The following CACNG5 variants were observed in gnomAD, a reference collection of about 807,000 sequenced individuals.
CACNG5 encodes voltage-dependent calcium channel gamma-5 subunit.
In CACNG5, 18 loss-of-function variants were observed where a neutral mutation model predicts 24.8. The observed-to-expected ratio is 0.73, with a 90% confidence interval of 0.50 to 1.08. CACNG5 has a LOEUF of 1.08. CACNG5 is among the 50% of genes least tolerant of loss of function. The pLI is 0.00. For synonymous variants in CACNG5, 157 were observed against 149.1 expected (o/e 1.05, Z -0.39); for missense variants, 349 against 367.9 (o/e 0.95, Z 0.42).
chr17:66,874,229 C>T (rs765488917), intron 1 of CACNG5, among the ~76,000 whole-genome samples: 5 of 152,126 alleles, frequency 3.3e-5, no homozygotes, highest in Non-Finnish European at 7.3e-5. Context: ...AGGTGCTTAA[C>T]AGGATGCCTA....
At chr17:66,883,278 G>A (rs1333173771) in intron 4 of CACNG5, among the ~76,000 whole-genome samples, 1 of 152,172 alleles carries the variant, frequency 6.6e-6, no homozygotes, top group Non-Finnish European at 1.5e-5. Flanking sequence ...CATACGTGAG[G>A]TTTTTCAGCA....
At chr17:66,866,928 A>G (rs534311797) in intron 1 of CACNG5, among the ~76,000 whole-genome samples, 2 of 152,364 alleles carry the variant, frequency 1.3e-5, no homozygotes, top group East Asian at 3.9e-4. Context: ...TGCAATAAAC[A>G]TATGTGTGCA....
intron 3 of CACNG5, among the ~76,000 whole-genome samples, chr17:66,879,383 G>A (rs2097330633): frequency 6.6e-6 from 1 of 152,108 alleles, no homozygotes; most frequent in African/African-American, 2.4e-5. Flanking sequence ...ATGCAATTCT[G>A]ATGCTAATCA....
chr17:66,885,161 C>A lies in CACNG5; in HGVS notation c.749C>A (p.Ala250Asp). The change falls in exon 6 of 6, where the codon GCC becomes GAC. Residue 250 changes from alanine to aspartate, a missense_variant. Physicochemically the swap from Ala to Asp is moderately radical, Grantham distance 126. Coordinates refer to ENST00000533854, the MANE Select transcript of CACNG5 (RefSeq NM_145811.3). ...GRSPSDISSE[A>D]SLQMNSNYPA... is the part of the protein sequence containing the mutation. ...AGCCCCTCCGACATCTCCAGCGAGG[C>A]CTCCCTGCAGATGAACAGCAACTAC... 1 of 1,613,064 alleles carries A rather than the reference C, an allele frequency of 6.2e-7. No homozygotes were observed. The highest frequency in any genetic ancestry group is 1.1e-5 in the South Asian group (1 of 91,078).
intron 4 of CACNG5, among the ~76,000 whole-genome samples, chr17:66,882,678 G>T (rs371232022): frequency 6.6e-6 from 1 of 152,090 alleles, no homozygotes; most frequent in African/African-American, 2.4e-5. Context: ...GACTGGTTAG[G>T]GATCCTGGGG....
chr17:66,845,662 C>T lies in CACNG5; in HGVS notation c.-104+10412C>T, dbSNP rs180709340. 4.1e-4 allele frequency among the ~76,000 whole-genome samples: 63 copies of T among 152,128 alleles called. 1 individual carries two copies. The East Asian group carries it at 0.011, about 27-fold the overall frequency. ...CAACATCGGTGCCTTCCCAGCTACC[C>T]CACTAGACCAGGGGATCACCAAAGG... is the stretch of plus-strand genomic sequence containing the variant. On this transcript the variant is annotated intron_variant, in intron 1 of 5. Coordinates refer to ENST00000533854, the MANE Select transcript of CACNG5 (RefSeq NM_145811.3).
intron 1 of CACNG5, among the ~76,000 whole-genome samples, chr17:66,850,477 C>T (rs538688838): frequency 1.3e-5 from 2 of 152,120 alleles, no homozygotes; most frequent in African/African-American, 2.4e-5. Context: ...AGGAAATTCA[C>T]TGTTGGCCTC....
chr17:66,887,276 C>A lies in CACNG5; in HGVS notation c.*2036C>A, dbSNP rs1444487110. On this transcript the variant is annotated 3_prime_UTR_variant, in exon 6 of 6. Transcript: ENST00000533854. ...CACCCTTCCACTCTGAGGGGCTTGG[C>A]CTAAATGGTTTCCAAGCCCACTCCC... Among the ~76,000 whole-genome samples, 1 of 152,076 alleles carries A rather than the reference C, an allele frequency of 6.6e-6. No homozygotes were observed. The highest frequency in any genetic ancestry group is 2.4e-5 in the African/African-American group (1 of 41,410).
At chr17:66,873,858 TA>T (rs1380159667) in intron 1 of CACNG5, among the ~76,000 whole-genome samples, 1 of 152,042 alleles carries the variant, frequency 6.6e-6, no homozygotes, top group Non-Finnish European at 1.5e-5. Context: ...TAAGCAAAGC[TA>T]AGCAGGCTTT....
In CACNG5 at chr17:66,879,066, C is replaced by T. The variant is rs773878220; in HGVS notation, c.283+8C>T. ...CCACGGTCAATGTTCTAAGTAAGTGCCTTGAGTCTGGCAACCTGGGCCACT... is the reference window on the plus strand; with the variant it reads ...CCACGGTCAATGTTCTAAGTAAGTGTCTTGAGTCTGGCAACCTGGGCCACT... On this transcript the variant is annotated splice_region_variant and intron_variant, in intron 3 of 5. Transcript: ENST00000533854. 3.2e-5 allele frequency: 51 copies of T among 1,611,676 alleles called. No individual in the cohort carries two copies. The highest frequency in any genetic ancestry group is 4.2e-5 in the Non-Finnish European group (50 of 1,178,136).
intron 1 of CACNG5, among the ~76,000 whole-genome samples, chr17:66,860,047 T>C (rs1372230028): frequency 1.3e-5 from 2 of 152,030 alleles, no homozygotes; most frequent in Non-Finnish European, 2.9e-5. Context: ...CAGGTCAGAG[T>C]TTCCATTTGC....
chr17:66,884,527 G>A lies in CACNG5; in HGVS notation c.436G>A (p.Val146Met), dbSNP rs577211996. 3.5e-5 allele frequency: 56 copies of A among 1,611,106 alleles called. No individual in the cohort carries two copies. The highest frequency in any genetic ancestry group is 5.5e-5 in the South Asian group (5 of 90,608). The change falls in exon 5 of 6, where the codon GTG (valine) becomes ATG (methionine). Residue 146 changes from valine to methionine, a missense_variant. Transcript: ENST00000533854. ...TGCTGCCCAACCAGGCCTCTCTCTC[G>A]TGGTGGGCCTGGTGCTCTACATCTC... Reference protein sequence around the residue: ...IFFILSGLSLVVGLVLYISSI... With the variant: ...IFFILSGLSLMVGLVLYISSI...
chr17:66,870,509 C>T (rs1194819197), intron 1 of CACNG5, among the ~76,000 whole-genome samples: 1 of 152,130 alleles, frequency 6.6e-6, no homozygotes, highest in African/African-American at 2.4e-5. Flanking sequence ...ACGTGATAGC[C>T]CCCAGCAACA....
At chr17:66,870,477 G>C (rs892308687) in intron 1 of CACNG5, among the ~76,000 whole-genome samples, 1 of 152,190 alleles carries the variant, frequency 6.6e-6, no homozygotes, top group Non-Finnish European at 1.5e-5. Flanking sequence ...GGCTAAGGAT[G>C]CTATAAAACA....
intron 1 of CACNG5, among the ~76,000 whole-genome samples, chr17:66,871,556 A>T (rs976747391): frequency 2.0e-5 from 3 of 152,146 alleles, no homozygotes; most frequent in Admixed American, 2.0e-4. Context: ...GCCATTAATG[A>T]TTTAATCTCC....
intron 1 of CACNG5, among the ~76,000 whole-genome samples, chr17:66,864,164 G>A (rs1275307063): frequency 6.6e-6 from 1 of 152,148 alleles, no homozygotes; most frequent in Non-Finnish European, 1.5e-5. Context: ...GGAGAAGGTT[G>A]CCTATATCCA....
intron 1 of CACNG5, among the ~76,000 whole-genome samples, chr17:66,844,346 C>T (rs546347490): frequency 1.3e-5 from 2 of 152,302 alleles, no homozygotes; most frequent in East Asian, 3.9e-4. Flanking sequence ...GGATTTGGAG[C>T]TCAACTGTTC....
intron 1 of CACNG5, among the ~76,000 whole-genome samples, chr17:66,873,053 A>C (rs1439275708): frequency 2.0e-5 from 3 of 152,098 alleles, no homozygotes; most frequent in African/African-American, 4.8e-5. Context: ...CCTACGGCTC[A>C]CCTGTGCTTT....
chr17:66,855,909 A>G (rs1976769645), intron 1 of CACNG5, among the ~76,000 whole-genome samples: 1 of 152,242 alleles, frequency 6.6e-6, no homozygotes, highest in Non-Finnish European at 1.5e-5. Flanking sequence ...TACACTCATC[A>G]TCCCACATTT....
Sources: allele counts gnomAD v4.1 joint callset (sites outside exome capture counted in the v4.1 genomes callset), GRCh38; gene constraint gnomAD v4.1.1; transcripts MANE v1.5; gene names NCBI Gene and HGNC (gene_info 2026-07-23, HGNC 2026-07-21).